The following TJP1 variants were observed in gnomAD, a reference collection of about 807,000 sequenced individuals.
TJP1 encodes the protein tight junction protein 1.
TJP1 carries 43 observed loss-of-function variants against 194.2 expected under a neutral mutation model. The ratio of observed to expected loss-of-function variants is 0.22; its 90% CI spans 0.17 to 0.29. The LOEUF (loss-of-function observed/expected upper bound fraction) is 0.29, where lower values mean the gene tolerates loss of function less well. Among genes scored for constraint, TJP1 ranks in the 10% least tolerant of loss-of-function variants. TJP1 has a pLI of 1.00. For synonymous variants in TJP1, 801 were observed against 779.0 expected, an observed-to-expected ratio of 1.03 and a Z score of -0.47; for missense variants, 1,971 against 2,185.7, an observed-to-expected ratio of 0.90 and a Z score of 1.96.
chr15:29,802,985 G>A (rs540805742), intron 1 of TJP1, among the ~76,000 whole-genome samples: 2 of 152,242 alleles, frequency 1.3e-5, no homozygotes, highest in African/African-American at 4.8e-5. Flanking sequence ...AATCAAATGG[G>A]AAAATTTATT....
At chr15:29,780,531 C>T (rs977818351) in intron 2 of TJP1, among the ~76,000 whole-genome samples, 7 of 152,104 alleles carry the variant, frequency 4.6e-5, no homozygotes, top group Non-Finnish European at 1.0e-4. Context: ...TGGCTCAGTT[C>T]CTAACAGGCC....
At chr15:29,770,750 G>A (rs2046616571) in intron 4 of TJP1, among the ~76,000 whole-genome samples, 1 of 151,718 alleles carries the variant, frequency 6.6e-6, no homozygotes, top group African/African-American at 2.4e-5. Flanking sequence ...TGTACAACGT[G>A]TTTGTTATTA....
At chr15:29,859,586 G>A (rs1719013) in intron 2 of TJP1, among the ~76,000 whole-genome samples, 56,128 of 151,868 alleles carry the variant, frequency 0.37, 10,991 homozygotes, top group African/African-American at 0.5. Context: ...TCAGGAAGTG[G>A]CTGTGAAACC....
intron 2 of TJP1, among the ~76,000 whole-genome samples, chr15:29,929,757 CAA>C (rs1567205899): frequency 6.6e-6 from 1 of 151,208 alleles, no homozygotes; most frequent in East Asian, 1.9e-4. Flanking sequence ...AGAAAAAGAA[CAA>C]GAGTATAAGA....
rs45529137 is a variant in TJP1 at position 29,719,991 on chromosome 15, G to A, written c.2789C>T (p.Pro930Leu). The change falls in exon 20 of 28, where the codon CCT becomes CTT. Residue 930 changes from proline (P) to leucine (L), a missense_variant. Coordinates refer to ENST00000614355, the MANE Select transcript of TJP1 (RefSeq NM_001330239.4). ...TGGGTTTGTTTCAGGCGAAAGGTAA[G>A]GGACTGGAGATGAAGCTTCTGCTTT... Reference protein sequence around the residue: ...QQKAEASSPVPYLSPETNPAS... With the variant: ...QQKAEASSPVLYLSPETNPAS... The A allele has an allele frequency of 2.5e-6, 4 of 1,612,006 alleles. No homozygotes were observed. The Admixed American group carries it at 6.7e-5, about 27-fold the overall frequency.
chr15:29,962,088 G>A (rs1434435077), intron 1 of TJP1, among the ~76,000 whole-genome samples: 5 of 152,178 alleles, frequency 3.3e-5, no homozygotes, highest in South Asian at 4.1e-4. Context: ...TTTGACATGG[G>A]ACTCGGTCCT....
rs145490092 is a variant in TJP1, at chr15:29,707,403, G to T, written c.4850+1156C>A. ...GACATCCTACGACACAACATCAAGG[G>T]AGCAGAGCGCAGCCTGAGCTGCAGA... On this transcript the variant is annotated intron_variant, in intron 25 of 27. Coordinates refer to ENST00000614355, the MANE Select transcript of TJP1 (RefSeq NM_001330239.4). 1.3e-3 allele frequency among the ~76,000 whole-genome samples: 195 copies of T among 152,270 alleles called. 1 individual carries two copies. Among genetic ancestry groups the T allele is most frequent in the Non-Finnish European group, 2.2e-3 (149 of 68,020 alleles).
intron 2 of TJP1, among the ~76,000 whole-genome samples, chr15:29,786,909 T>C (rs534113967): frequency 1.3e-5 from 2 of 152,316 alleles, no homozygotes; most frequent in East Asian, 3.9e-4. Flanking sequence ...TTACTAGACC[T>C]TTCTGAGACT....
At chr15:29,821,856 C>A in intron 1 of TJP1, 146 bp downstream of exon 1, 3 of 827,426 alleles carry the variant, frequency 3.6e-6, no homozygotes, top group Non-Finnish European at 4.4e-6. Flanking sequence ...GGCCCGCGGC[C>A]CGCGGCCCCG....
intron 2 of TJP1, among the ~76,000 whole-genome samples, chr15:29,834,772 G>C (rs766455005): frequency 6.6e-6 from 1 of 152,064 alleles, no homozygotes; most frequent in Non-Finnish European, 1.5e-5. Flanking sequence ...AGCAAAAACC[G>C]GCAGAAACCA....
At chr15:29,837,880 C>G (rs746842635) in intron 2 of TJP1, among the ~76,000 whole-genome samples, 1 of 152,140 alleles carries the variant, frequency 6.6e-6, no homozygotes, top group Non-Finnish European at 1.5e-5. Flanking sequence ...TACACTGATT[C>G]CTGGTATCAA....
At chr15:29,702,512 A>C (rs1200915414) in intron 27 of TJP1, among the ~76,000 whole-genome samples, 1 of 152,132 alleles carries the variant, frequency 6.6e-6, no homozygotes, top group East Asian at 1.9e-4. Flanking sequence ...AACAGGAATG[A>C]CCCTGCCCCT....
At chr15:29,737,016 G>A (rs575383544) in intron 11 of TJP1, among the ~76,000 whole-genome samples, 1 of 152,308 alleles carries the variant, frequency 6.6e-6, no homozygotes, top group African/African-American at 2.4e-5. Context: ...AACACGAGTG[G>A]TAGAAATGAA....
chr15:29,747,682 C>T (rs2044895600), intron 8 of TJP1, among the ~76,000 whole-genome samples: 1 of 152,116 alleles, frequency 6.6e-6, no homozygotes, highest in Non-Finnish European at 1.5e-5. Context: ...CTGATCAAAA[C>T]TTCTAAAAAT....
chr15:29,826,203 G>T (rs554694867), upstream of TJP1, among the ~76,000 whole-genome samples: 4 of 150,526 alleles, frequency 2.7e-5, no homozygotes, highest in Non-Finnish European at 5.9e-5. Context: ...ATTCAATTCA[G>T]TATACAGAAA....
chr15:29,752,240 T>A (rs547739551), intron 8 of TJP1, among the ~76,000 whole-genome samples: 78 of 151,998 alleles, frequency 5.1e-4, no homozygotes, highest in Non-Finnish European at 9.6e-4. Flanking sequence ...GTAGCTGGGA[T>A]TATAGGCACA....
chr15:29,742,551 T>G (rs1255530914), intron 9 of TJP1, 91 bp downstream of exon 9: 2 of 1,361,858 alleles, frequency 1.5e-6, no homozygotes, highest in African/African-American at 3.0e-5. Flanking sequence ...AGAAGAATAA[T>G]AATTGCATCT....
At chr15:29,839,326 T>C (rs983877599) in intron 2 of TJP1, among the ~76,000 whole-genome samples, 2 of 151,986 alleles carry the variant, frequency 1.3e-5, no homozygotes, top group African/African-American at 4.8e-5. Flanking sequence ...GACATTTGAG[T>C]GGTTTCCAAA....
intron 6 of TJP1, 79 bp downstream of exon 6, chr15:29,762,256 A>C: frequency 8.1e-7 from 1 of 1,235,370 alleles, no homozygotes; most frequent in South Asian, 1.5e-5. Flanking sequence ...AACTGCTTCA[A>C]ACAAGAGCAC....
Sources: allele counts gnomAD v4.1 joint callset (sites outside exome capture counted in the v4.1 genomes callset), GRCh38; gene constraint gnomAD v4.1.1; transcripts MANE v1.5; gene names NCBI Gene and HGNC (gene_info 2026-07-23, HGNC 2026-07-21).